Variants in KHDRBS1 observed in about 807,000 individuals in gnomAD.
KHDRBS1 encodes KH RNA binding domain containing, signal transduction associated 1.
Under a neutral mutation model 48.4 loss-of-function variants are expected in KHDRBS1, and 7 were observed. That is an observed-to-expected ratio of 0.14 (90% CI 0.08 to 0.27). KHDRBS1 has a LOEUF of 0.27. Among genes scored for constraint, KHDRBS1 ranks in the 10% least tolerant of loss-of-function variants. KHDRBS1 has a pLI of 1.00. For synonymous variants in KHDRBS1, 241 were observed against 235.8 expected, an observed-to-expected ratio of 1.02 and a Z score of -0.20; for missense variants, 458 against 601.2, an observed-to-expected ratio of 0.76 and a Z score of 2.49.
intron 1 of KHDRBS1, among the ~76,000 whole-genome samples, chr1:32,025,931 T>TATATATATATATATA (rs1557892025): frequency 6.9e-6 from 1 of 144,238 alleles, no homozygotes; most frequent in African/African-American, 2.7e-5. Context: ...ATATATATAT[T>TATATATATATATATA]TATTTATTTA....
chr1:32,044,323 G>T (rs1178382874), downstream of KHDRBS1, among the ~76,000 whole-genome samples: 1 of 152,228 alleles, frequency 6.6e-6, no homozygotes, highest in Non-Finnish European at 1.5e-5. Context: ...AGGCATGACA[G>T]TTCAGCCAAC....
chr1:32,024,460 G>A (rs1023674516), intron 1 of KHDRBS1, among the ~76,000 whole-genome samples: 1 of 151,576 alleles, frequency 6.6e-6, no homozygotes, highest in African/African-American at 2.4e-5. Flanking sequence ...ACAGTTGTAC[G>A]CCACCACACT....
intron 1 of KHDRBS1, among the ~76,000 whole-genome samples, chr1:32,020,881 T>C (rs1389820229): frequency 2.0e-5 from 3 of 152,146 alleles, no homozygotes; most frequent in Non-Finnish European, 4.4e-5. Context: ...GAGGTGGTGG[T>C]CACATGAGTC....
chr1:32,015,455 A>G (rs558031478), intron 1 of KHDRBS1, among the ~76,000 whole-genome samples: 50 of 152,356 alleles, frequency 3.3e-4, no homozygotes, highest in African/African-American at 6.0e-4. Context: ...TGGACAGTTC[A>G]TTATGAAAAT....
chr1:32,055,205 T>C (rs1027447894), intron 10 of KHDRBS1, among the ~76,000 whole-genome samples: 1 of 152,158 alleles, frequency 6.6e-6, no homozygotes, highest in Non-Finnish European at 1.5e-5. Context: ...ATCCCAGCAC[T>C]TTGGGAAGCC....
At chr1:32,024,986 G>A (rs1051084744) in intron 1 of KHDRBS1, among the ~76,000 whole-genome samples, 2 of 151,714 alleles carry the variant, frequency 1.3e-5, no homozygotes, top group Admixed American at 1.3e-4. Context: ...AAAAAAGGCG[G>A]GGGGAGCATA....
rs764353405 is a variant in KHDRBS1, at chr1:32,013,946, CCGTCGCTGCCG to C, written c.-42_-32del. On this transcript the variant is annotated 5_prime_UTR_variant, in exon 1 of 9. Transcript: ENST00000327300. ...CCCCCGCCAACCGCCGCTCGGGCCT[CCGTCGCTGCCG>C]CGTCGCTTTCTCGCTCCTTGGATCG... 15 of 1,387,176 alleles carry C rather than the reference CCGTCGCTGCCG, an allele frequency of 1.1e-5. No homozygotes were observed. The highest frequency in any genetic ancestry group is 4.7e-5 in the South Asian group (3 of 63,650). The allele number at this position is 1,387,176 out of a possible 1,614,324, so 85.9% of individuals were successfully genotyped here.
At chr1:32,056,568 GT>G (rs1380835136) in intron 10 of KHDRBS1, among the ~76,000 whole-genome samples, 4 of 152,164 alleles carry the variant, frequency 2.6e-5, no homozygotes, top group African/African-American at 9.7e-5. Flanking sequence ...AAGAGTTTGG[GT>G]TCAGATACAG....
At chr1:32,030,135 A>G (rs1639054122) in intron 1 of KHDRBS1, among the ~76,000 whole-genome samples, 163 bp from the exon 2 acceptor site, 1 of 152,232 alleles carries the variant, frequency 6.6e-6, no homozygotes, top group African/African-American at 2.4e-5. Flanking sequence ...TTTCTAGTCA[A>G]CTTCATATAG....
At chr1:32,033,504 A>G (rs977765281) in intron 4 of KHDRBS1, among the ~76,000 whole-genome samples, 170 bp downstream of exon 4, 5 of 152,108 alleles carry the variant, frequency 3.3e-5, no homozygotes, top group Admixed American at 2.6e-4. Flanking sequence ...TAGTTCTCAA[A>G]GCATTATGCT....
Position 32,037,120 on chromosome 1 carries a change from G to T in KHDRBS1, c.905+77G>T, listed in dbSNP as rs1639199142. 5 of 1,488,944 alleles carry T rather than the reference G, an allele frequency of 3.4e-6. No homozygotes were observed. The South Asian group carries it at 6.2e-5, about 18-fold the overall frequency. 92.2% of individuals were successfully genotyped at this position (1,488,944 alleles called of 1,614,324 possible). On this transcript the variant is annotated intron_variant, in intron 5 of 8. Transcript: ENST00000327300. ...TCATCTCTTTTAGTGGTGCTCTTAT[G>T]TCTAGCTTAGGAAGGGTCTCAGGAT...
intron 1 of KHDRBS1, among the ~76,000 whole-genome samples, chr1:32,019,482 A>G (rs1006466879): frequency 2.6e-5 from 4 of 152,096 alleles, no homozygotes; most frequent in African/African-American, 7.2e-5. Flanking sequence ...CCCGGGAGAC[A>G]GAGGTTGCAG....
chr1:32,013,905 C>G lies in KHDRBS1; in HGVS notation c.-91C>G, dbSNP rs965725793. The G allele has an allele frequency of 8.1e-7, 1 of 1,241,748 alleles. No individual in the cohort carries two copies. The highest frequency in any genetic ancestry group is 1.0e-6 in the Non-Finnish European group (1 of 968,998). 76.9% of individuals were successfully genotyped at this position (1,241,748 alleles called of 1,614,324 possible). On this transcript the variant is annotated 5_prime_UTR_variant, in exon 1 of 9. Coordinates refer to ENST00000327300, the MANE Select transcript of KHDRBS1 (RefSeq NM_006559.3). ...CGCTCGGGTCGGCTTCGGTCGCTAC[C>G]GCTCCCGCTCTGCCACCCCCGCCAA...
chr1:32,058,837 G>A (rs1279430725), intron 10 of KHDRBS1, among the ~76,000 whole-genome samples: 2 of 152,050 alleles, frequency 1.3e-5, no homozygotes, highest in East Asian at 1.9e-4. Flanking sequence ...GAGTAATATT[G>A]CAAACATAGA....
At position 32,024,053 on chromosome 1, in the gene KHDRBS1, A is replaced by G. The variant is rs899778016; in HGVS notation, c.383-6245A>G. 2.0e-5 allele frequency among the ~76,000 whole-genome samples: 3 copies of G among 152,160 alleles called. No individual in the cohort carries two copies. The South Asian group carries it at 6.2e-4, about 31-fold the overall frequency. On this transcript the variant is annotated intron_variant, in intron 1 of 8. Transcript: ENST00000327300. Reference sequence around the variant, plus strand: ...GATCACCTGAGATCAGGAGTTGAAGACCAGCCTGGCCAACATGGTGAAACC... The same window carrying G: ...GATCACCTGAGATCAGGAGTTGAAGGCCAGCCTGGCCAACATGGTGAAACC...
chr1:32,017,753 A>G (rs1182510264), intron 1 of KHDRBS1, among the ~76,000 whole-genome samples: 4 of 151,764 alleles, frequency 2.6e-5, no homozygotes, highest in Admixed American at 2.6e-4. Flanking sequence ...GATTATAGGC[A>G]TGTGCCACCA....
At chr1:32,058,138 G>T (rs993323521) in intron 10 of KHDRBS1, among the ~76,000 whole-genome samples, 1 of 151,930 alleles carries the variant, frequency 6.6e-6, no homozygotes, top group Non-Finnish European at 1.5e-5. Context: ...AACAGATGGG[G>T]TCTCACTGCA....
intron 1 of KHDRBS1, among the ~76,000 whole-genome samples, chr1:32,019,527 C>T (rs1638813527): frequency 1.3e-5 from 2 of 150,510 alleles, no homozygotes; most frequent in African/African-American, 2.5e-5. Context: ...GAAACTCAAT[C>T]TCAAAAAAAA....
chr1:32,019,707 T>G (rs1638818488), intron 1 of KHDRBS1, among the ~76,000 whole-genome samples: 1 of 152,172 alleles, frequency 6.6e-6, no homozygotes, highest in African/African-American at 2.4e-5. Context: ...AAACAAAGCC[T>G]AGTAAGATAA....
Sources: gnomAD v4.1 joint callset for allele counts (sites outside exome capture counted in the v4.1 genomes callset) on GRCh38, gnomAD v4.1.1 for gene constraint, MANE v1.5 for transcripts, NCBI Gene and HGNC (gene_info 2026-07-23, HGNC 2026-07-21) for gene names.